INSC: variants seen among roughly 807,000 people sequenced by gnomAD.
The protein encoded by INSC is protein inscuteable homolog.
Under a neutral mutation model 58.6 loss-of-function variants are expected in INSC, and 67 were observed. The ratio of observed to expected loss-of-function variants is 1.14; its 90% CI spans 0.94 to 1.40. The LOEUF (loss-of-function observed/expected upper bound fraction) is 1.40, where lower values mean the gene tolerates loss of function less well. INSC is among the 40% of genes most tolerant of loss of function. The pLI is 0.00. For synonymous variants in INSC, 262 were observed against 276.1 expected (o/e 0.95, Z 0.51); for missense variants, 714 against 692.0 (o/e 1.03, Z -0.36).
chr11:15,269,573 T>G, the INSC span, among the ~76,000 whole-genome samples: 2 of 152,064 alleles, frequency 1.3e-5, no homozygotes, highest in South Asian at 4.1e-4. Context: ...ACATGGAAAT[T>G]TCTTCAATGG....
chr11:15,146,903 C>T (rs1223351606), intron 1 of INSC, among the ~76,000 whole-genome samples: 1 of 152,116 alleles, frequency 6.6e-6, no homozygotes, highest in East Asian at 1.9e-4. Context: ...TCAGAGTTTC[C>T]TCTAATACTC....
chr11:15,256,816 C>T, the INSC span, among the ~76,000 whole-genome samples: 13,741 of 151,980 alleles, frequency 0.09, 749 homozygotes, highest in Non-Finnish European at 0.12. Flanking sequence ...CTGTGACTAG[C>T]CATCAAAAGA....
At chr11:15,269,511 C>T in the INSC span, among the ~76,000 whole-genome samples, 2 of 151,852 alleles carry the variant, frequency 1.3e-5, no homozygotes, top group Non-Finnish European at 2.9e-5. Flanking sequence ...CCATGGCTGA[C>T]TGGAATTCCT....
At chr11:15,125,007 G>T (rs753287088) in intron 1 of INSC, among the ~76,000 whole-genome samples, 3 of 152,180 alleles carry the variant, frequency 2.0e-5, no homozygotes, top group Non-Finnish European at 2.9e-5. Flanking sequence ...GGTTTGGGAA[G>T]ATGGACTGTA....
chr11:15,242,640 A>G (rs1852400649), intron 12 of INSC, among the ~76,000 whole-genome samples: 1 of 152,272 alleles, frequency 6.6e-6, no homozygotes, highest in South Asian at 2.1e-4. Context: ...CTGTGCCGTG[A>G]TCCTTGCTCC....
At chr11:15,141,290 G>A (rs1352853788) in intron 1 of INSC, among the ~76,000 whole-genome samples, 1 of 152,188 alleles carries the variant, frequency 6.6e-6, no homozygotes, top group African/African-American at 2.4e-5. Context: ...AAAGGTAGAT[G>A]TATCCAATTA....
At chr11:15,179,986 G>A (rs1849705184) in intron 5 of INSC, among the ~76,000 whole-genome samples, 2 of 152,184 alleles carry the variant, frequency 1.3e-5, no homozygotes, top group Admixed American at 1.3e-4. Flanking sequence ...GCTGGACGCA[G>A]TGGCTCACGC....
intron 1 of INSC, among the ~76,000 whole-genome samples, chr11:15,134,425 A>C (rs1848194698): frequency 6.6e-6 from 1 of 152,196 alleles, no homozygotes; most frequent in South Asian, 2.1e-4. Flanking sequence ...TGAGCAAAAA[A>C]GGCAGTGGTT....
At position 15,200,806 on chromosome 11, in the gene INSC, A is replaced by G. The variant is rs775614165; in HGVS notation, c.694-18A>G. 5 of 1,613,792 alleles carry G rather than the reference A, an allele frequency of 3.1e-6. No homozygotes were observed. The highest frequency in any genetic ancestry group is 2.7e-5 in the African/African-American group (2 of 74,892). On this transcript the variant is annotated intron_variant, in intron 6 of 12. Coordinates refer to ENST00000379556, the MANE Select transcript of INSC (RefSeq NM_001042536.3). The stretch of plus-strand genomic sequence containing the variant: ...AGGTCACACAGTAAGATGATGTGAC[A>G]TTTCTTTCTCTTGGCAGGAGGGTGG...
chr11:15,232,506 G>C (rs1158119607), intron 9 of INSC, among the ~76,000 whole-genome samples: 1 of 152,172 alleles, frequency 6.6e-6, no homozygotes, highest in Non-Finnish European at 1.5e-5. Flanking sequence ...TGATCCTCCT[G>C]CCTCAGCCTG....
At chr11:15,216,417 ACT>A (rs1317679575) in intron 7 of INSC, among the ~76,000 whole-genome samples, 1 of 151,532 alleles carries the variant, frequency 6.6e-6, no homozygotes, top group African/African-American at 2.4e-5. Context: ...TCTCTGTCTC[ACT>A]CTCCATTTTC....
intron 10 of INSC, among the ~76,000 whole-genome samples, chr11:15,237,017 T>A (rs1278691945): frequency 6.6e-6 from 1 of 152,214 alleles, no homozygotes; most frequent in Non-Finnish European, 1.5e-5. Context: ...GGAGTGGGTC[T>A]CCATAGGCCT....
At chr11:15,268,384 A>AT in the INSC span, among the ~76,000 whole-genome samples, 1 of 152,068 alleles carries the variant, frequency 6.6e-6, no homozygotes, top group Non-Finnish European at 1.5e-5. Flanking sequence ...CATAATAAAA[A>AT]TCTAATTGAC....
At chr11:15,183,439 G>C (rs1404020218) in intron 5 of INSC, among the ~76,000 whole-genome samples, 1 of 68,412 alleles carries the variant, frequency 1.5e-5, no homozygotes, top group South Asian at 1.0e-3. Flanking sequence ...ATTGTAGTGT[G>C]TGTATGTGTG....
chr11:15,189,574 G>A (rs1850091250), intron 5 of INSC, among the ~76,000 whole-genome samples: 1 of 152,176 alleles, frequency 6.6e-6, no homozygotes, highest in Non-Finnish European at 1.5e-5. Flanking sequence ...CTGAGGCAAA[G>A]AAAGGCTAAG....
intron 7 of INSC, among the ~76,000 whole-genome samples, chr11:15,209,837 A>C (rs1312444153): frequency 6.6e-6 from 1 of 152,156 alleles, no homozygotes; most frequent in African/African-American, 2.4e-5. Context: ...ACTTCACTTG[A>C]AACAGCATGG....
chr11:15,151,788 G>T (rs573585217), intron 2 of INSC, among the ~76,000 whole-genome samples: 1 of 152,140 alleles, frequency 6.6e-6, no homozygotes, highest in African/African-American at 2.4e-5. Context: ...TTATGGGAAG[G>T]CTTCTGGGGT....
In INSC at chr11:15,174,564, G is replaced by A. The variant is rs183324433; in HGVS notation, c.57-1177G>A. Among the ~76,000 whole-genome samples, 239 of 152,290 alleles carry A rather than the reference G, an allele frequency of 1.6e-3. 1 individual carries two copies. Among genetic ancestry groups the A allele is most frequent in the African/African-American group, 5.3e-3 (221 of 41,552 alleles). On this transcript the variant is annotated intron_variant, in intron 2 of 12. Transcript: ENST00000379556. The stretch of plus-strand genomic sequence containing the variant: ...TTTGTAGATGAGTGAATGAGCTGGT[G>A]GCAGGTGAAGAATGTTTGAGGCAGG...
At chr11:15,127,145 G>A (rs1848015924) in intron 1 of INSC, among the ~76,000 whole-genome samples, 2 of 152,184 alleles carry the variant, frequency 1.3e-5, no homozygotes, top group African/African-American at 4.8e-5. Context: ...CAGCCCACAG[G>A]GAGATTAACA....
Sources: allele counts gnomAD v4.1 joint callset (sites outside exome capture counted in the v4.1 genomes callset), GRCh38; gene constraint gnomAD v4.1.1; transcripts MANE v1.5; gene names NCBI Gene and HGNC (gene_info 2026-07-23, HGNC 2026-07-21).